The following SOCS4 variants were observed in gnomAD, a reference collection of about 807,000 sequenced individuals.
SOCS4 encodes the protein suppressor of cytokine signaling 4.
A neutral mutation model predicts 34.1 loss-of-function variants in SOCS4; 20 were observed. The observed-to-expected ratio is 0.59, with a 90% CI of 0.41 to 0.85. The LOEUF (loss-of-function observed/expected upper bound fraction) is 0.85, where lower values mean the gene tolerates loss of function less well. Ranked by LOEUF, SOCS4 falls within the 40% of genes least tolerant of loss-of-function variation. SOCS4 has a pLI of 0.00. For missense variants in SOCS4, 479 were observed against 532.4 expected (o/e 0.90, Z 0.99); for synonymous variants, 180 against 186.4 (o/e 0.97, Z 0.28).
At chr14:55,033,142 C>G (rs931594267) in intron 2 of SOCS4, among the ~76,000 whole-genome samples, 1 of 152,034 alleles carries the variant, frequency 6.6e-6, no homozygotes, top group Admixed American at 6.6e-5. Context: ...ACAACTTGTT[C>G]GGATTCAGAA....
chr14:55,043,294 C>T lies in SOCS4; in HGVS notation c.253C>T (p.Arg85Ter), dbSNP rs762210457. The change falls in exon 3 of 3, where the codon CGA (arginine) becomes TGA (stop). Residue 85 changes from arginine (R) to a stop codon, truncating the protein, a stop_gained. Transcript: ENST00000555846. LOFTEE classifies it high-confidence loss of function. ...GGACTTAGATCATTCCTGTGGGCAT[C>T]GATTTTTAGGCCGATCTCTTAAACA... The part of the protein sequence containing the change: ...ELDLDHSCGH[R>*]FLGRSLKQKL... 3.7e-6 allele frequency: 6 copies of T among 1,614,100 alleles called. No individual in the cohort carries two copies. In the African/African-American group the frequency reaches 6.7e-5, roughly 18 times the overall value.
intron 2 of SOCS4, among the ~76,000 whole-genome samples, chr14:55,037,039 C>T (rs1224687728): frequency 6.6e-6 from 1 of 152,028 alleles, no homozygotes; most frequent in Non-Finnish European, 1.5e-5. Flanking sequence ...TCACTTGAGC[C>T]CTGGGAAACA....
intron 2 of SOCS4, among the ~76,000 whole-genome samples, chr14:55,033,142 C>T (rs931594267): frequency 2.0e-5 from 3 of 152,034 alleles, no homozygotes; most frequent in Non-Finnish European, 2.9e-5. Flanking sequence ...ACAACTTGTT[C>T]GGATTCAGAA....
chr14:55,031,106 AAAAAAT>A (rs1362905925), intron 1 of SOCS4, among the ~76,000 whole-genome samples: 4 of 152,170 alleles, frequency 2.6e-5, no homozygotes, highest in Admixed American at 2.6e-4. Flanking sequence ...AGATTGGAAG[AAAAAAT>A]AAATCTGTTC....
chr14:55,037,558 A>T (rs2042584240), intron 2 of SOCS4, among the ~76,000 whole-genome samples: 1 of 150,898 alleles, frequency 6.6e-6, no homozygotes, highest in Non-Finnish European at 1.5e-5. Flanking sequence ...CAGGGGTGCA[A>T]TCTCGGCTCA....
intron 1 of SOCS4, among the ~76,000 whole-genome samples, chr14:55,030,752 A>G (rs1339737104): frequency 6.6e-6 from 1 of 152,192 alleles, no homozygotes; most frequent in African/African-American, 2.4e-5. Flanking sequence ...ATTTTTTTAA[A>G]CCAGGTAACA....
intron 2 of SOCS4, among the ~76,000 whole-genome samples, chr14:55,032,521 A>C (rs567179958): frequency 6.6e-6 from 1 of 152,204 alleles, no homozygotes; most frequent in South Asian, 2.1e-4. Flanking sequence ...TTGCTCATTA[A>C]GAAATATGAC....
chr14:55,035,860 A>G (rs1190794552), intron 2 of SOCS4, among the ~76,000 whole-genome samples: 1 of 152,026 alleles, frequency 6.6e-6, no homozygotes, highest in Non-Finnish European at 1.5e-5. Context: ...TTCTTCCAGA[A>G]ATATTTTAAT....
At chr14:55,040,772 T>C (rs1424076984) in intron 2 of SOCS4, among the ~76,000 whole-genome samples, 1 of 152,056 alleles carries the variant, frequency 6.6e-6, no homozygotes, top group Non-Finnish European at 1.5e-5. Flanking sequence ...TTATACTGTA[T>C]TGCTTTTAAT....
In SOCS4 at chr14:55,047,799, T is replaced by C. The variant is rs977926741; in HGVS notation, c.*3435T>C. ...AAGAAAAACACATAAACCATTATCA[T>C]TTATTCATGAGCCAAAGCCATTAAG... is the stretch of plus-strand genomic sequence containing the variant. On this transcript the variant is annotated 3_prime_UTR_variant, in exon 3 of 3. Transcript: ENST00000555846. The C allele has an allele frequency of 1.9e-4, 32 of 167,150 alleles. No homozygotes were observed. The highest frequency in any genetic ancestry group is 7.7e-4 in the African/African-American group (32 of 41,468). 10.4% of individuals were successfully genotyped at this position (167,150 alleles called of 1,614,324 possible).
chr14:55,027,994 C>A (rs1265451550), intron 1 of SOCS4, among the ~76,000 whole-genome samples: 1 of 152,198 alleles, frequency 6.6e-6, no homozygotes. Context: ...TATCTTCATT[C>A]TCCATATTGG....
At chr14:55,030,064 T>C (rs1010852679) in intron 1 of SOCS4, among the ~76,000 whole-genome samples, 11 of 152,156 alleles carry the variant, frequency 7.2e-5, no homozygotes, top group South Asian at 2.1e-4. Context: ...ACCTGCGAAA[T>C]GTCAGAGCTA....
chr14:55,032,993 A>G (rs1449752195), intron 2 of SOCS4, among the ~76,000 whole-genome samples: 1 of 152,146 alleles, frequency 6.6e-6, no homozygotes, highest in Non-Finnish European at 1.5e-5. Context: ...CGTGTTAGTC[A>G]GGATGGTCTC....
chr14:55,040,916 G>T, intron 2 of SOCS4, among the ~76,000 whole-genome samples: 2 of 149,980 alleles, frequency 1.3e-5, no homozygotes, highest in Middle Eastern at 3.4e-3. Flanking sequence ...TTTGGAACTG[G>T]GGTCTCACTC....
rs1317891519 is a variant in SOCS4, at chr14:55,048,349, A to T, written c.*3985A>T. On this transcript the variant is annotated 3_prime_UTR_variant, in exon 3 of 3. Coordinates refer to ENST00000555846, the MANE Select transcript of SOCS4 (RefSeq NM_199421.2). ...TCACAGGAAAATAGACAAAATTATAAGAGATTCCTGGAGACAACACAAGGA... is the reference window on the plus strand; with the variant it reads ...TCACAGGAAAATAGACAAAATTATATGAGATTCCTGGAGACAACACAAGGA... 6.0e-6 allele frequency: 1 copy of T among 167,122 alleles called. No homozygotes were observed. Among genetic ancestry groups the T allele is most frequent in the Non-Finnish European group, 1.5e-5 (1 of 68,128 alleles). 10.4% of individuals were successfully genotyped at this position (167,122 alleles called of 1,614,324 possible). A position where few individuals can be genotyped will look rare whatever the true frequency, so the allele number is the denominator to read the frequency against.
At chr14:55,039,707 C>T (rs563350577) in intron 2 of SOCS4, among the ~76,000 whole-genome samples, 1 of 152,126 alleles carries the variant, frequency 6.6e-6, no homozygotes, top group Non-Finnish European at 1.5e-5. Flanking sequence ...TCCTGGCTAA[C>T]ATGGTGAAAC....
At chr14:55,028,318 T>C (rs2042489446) in intron 1 of SOCS4, among the ~76,000 whole-genome samples, 1 of 152,198 alleles carries the variant, frequency 6.6e-6, no homozygotes, top group African/African-American at 2.4e-5. Context: ...GGAAGAATGA[T>C]TGGCTTAAAA....
At chr14:55,042,107 A>G (rs1435475043) in intron 2 of SOCS4, among the ~76,000 whole-genome samples, 1 of 152,150 alleles carries the variant, frequency 6.6e-6, no homozygotes, top group Non-Finnish European at 1.5e-5. Context: ...CTTATTCTGC[A>G]TAAGAATACT....
intron 2 of SOCS4, among the ~76,000 whole-genome samples, chr14:55,035,931 C>CA (rs2042568588): frequency 6.7e-6 from 1 of 148,310 alleles, no homozygotes; most frequent in African/African-American, 2.5e-5. Context: ...AGAAACATAA[C>CA]AAAATAGAAA....
Sources: allele counts gnomAD v4.1 joint callset (sites outside exome capture counted in the v4.1 genomes callset), GRCh38; gene constraint gnomAD v4.1.1; transcripts MANE v1.5; gene names NCBI Gene and HGNC (gene_info 2026-07-23, HGNC 2026-07-21).